MAN2A1: variants seen among roughly 807,000 people sequenced by gnomAD.
The protein encoded by MAN2A1 is alpha-mannosidase 2.
Under a neutral mutation model 142.6 loss-of-function variants are expected in MAN2A1, and 76 were observed. The observed-to-expected ratio is 0.53, with a 90% CI of 0.44 to 0.65. MAN2A1 has a LOEUF of 0.65. Among genes scored for constraint, MAN2A1 ranks in the 30% least tolerant of loss-of-function variants. The probability of loss-of-function intolerance (pLI) is 0.00; values close to 1 mark genes in which losing one functional copy is unlikely to be tolerated. For synonymous variants in MAN2A1, 559 were observed against 473.2 expected (o/e 1.18, Z -2.35); for missense variants, 1,311 against 1,365.1 (o/e 0.96, Z 0.62).
At chr5:109,842,827 A>G (rs1359946844) in intron 17 of MAN2A1, among the ~76,000 whole-genome samples, 1 of 72,768 alleles carries the variant, frequency 1.4e-5, no homozygotes, top group African/African-American at 5.5e-5. Context: ...TTTTTTTGAG[A>G]AAGAGTCTCG....
chr5:109,703,189 C>T (rs959935794), intron 1 of MAN2A1, among the ~76,000 whole-genome samples: 3 of 152,154 alleles, frequency 2.0e-5, no homozygotes, highest in Non-Finnish European at 4.4e-5. Flanking sequence ...TGATTACTGA[C>T]AATTATTTTC....
At chr5:109,766,031 G>A (rs1311108341) in intron 5 of MAN2A1, among the ~76,000 whole-genome samples, 4 of 151,964 alleles carry the variant, frequency 2.6e-5, no homozygotes, top group African/African-American at 9.7e-5. Flanking sequence ...TGGTACTGAG[G>A]TTTTATTGCA....
At chr5:109,736,160 G>C (rs1158300634) in intron 4 of MAN2A1, among the ~76,000 whole-genome samples, 9 of 151,908 alleles carry the variant, frequency 5.9e-5, no homozygotes, top group Admixed American at 5.9e-4. Flanking sequence ...AATATACCAG[G>C]ATATGCACAC....
At chr5:109,696,153 T>A (rs543915056) in intron 1 of MAN2A1, among the ~76,000 whole-genome samples, 4 of 151,802 alleles carry the variant, frequency 2.6e-5, no homozygotes, top group African/African-American at 2.4e-5. Flanking sequence ...CAGACTGGAG[T>A]GCAGTGGTGC....
At chr5:109,841,072 T>C (rs1755190583) in intron 16 of MAN2A1, among the ~76,000 whole-genome samples, 1 of 152,216 alleles carries the variant, frequency 6.6e-6, no homozygotes, top group African/African-American at 2.4e-5. Context: ...TAGAATGATG[T>C]CACTCTTTCT....
intron 5 of MAN2A1, among the ~76,000 whole-genome samples, chr5:109,762,313 A>AG (rs946227819): frequency 6.6e-6 from 1 of 152,136 alleles, no homozygotes; most frequent in African/African-American, 2.4e-5. Flanking sequence ...TTAAGCTAAA[A>AG]GGTATTTTGT....
At chr5:109,693,295 C>T (rs1438226823) in intron 1 of MAN2A1, among the ~76,000 whole-genome samples, 3 of 151,556 alleles carry the variant, frequency 2.0e-5, no homozygotes, top group East Asian at 3.9e-4. Flanking sequence ...TTCACTGCTT[C>T]TAACTTATTC....
At position 109,690,234 on chromosome 5, in the gene MAN2A1, C is replaced by T; in HGVS notation, c.-184C>T. The T allele has an allele frequency of 1.6e-6, 1 of 632,854 alleles. No individual in the cohort carries two copies. The highest frequency in any genetic ancestry group is 2.8e-6 in the Non-Finnish European group (1 of 358,082). The allele number at this position is 632,854 out of a possible 1,614,324, so 39.2% of individuals were successfully genotyped here. On this transcript the variant is annotated 5_prime_UTR_variant, in exon 1 of 22. Coordinates refer to ENST00000261483, the MANE Select transcript of MAN2A1 (RefSeq NM_002372.4). ...GAGGGCGGCAGGCCAGGGCGAAGGCCAAGGGCGTGTGGTGGCGCCGGAGAC... is the reference window on the plus strand; with the variant it reads ...GAGGGCGGCAGGCCAGGGCGAAGGCTAAGGGCGTGTGGTGGCGCCGGAGAC...
chr5:109,690,466 G>A lies in MAN2A1; in HGVS notation c.49G>A (p.Val17Met). The stretch of plus-strand genomic sequence containing the variant: ...CGTGTTCGGCAGTGCGATCTTCTGT[G>A]TGGTGATTTTCTCGCTCTACCTGAT... The part of the protein sequence containing the change: ...FTVFGSAIFC[V>M]VIFSLYLMLD... Residue 17 changes from valine to methionine, a missense_variant, in exon 1 of 22, where the codon GTG (valine) becomes ATG (methionine). By Grantham distance (21) the Val-to-Met change is conservative. Coordinates refer to ENST00000261483, the MANE Select transcript of MAN2A1 (RefSeq NM_002372.4). The A allele has an allele frequency of 3.1e-6, 5 of 1,614,090 alleles. No individual in the cohort carries two copies. Among genetic ancestry groups the A allele is most frequent in the Non-Finnish European group, 4.2e-6 (5 of 1,179,948 alleles).
intron 8 of MAN2A1, among the ~76,000 whole-genome samples, chr5:109,776,069 CTT>C (rs35427592): frequency 0.023 from 3,075 of 134,936 alleles, 102 homozygotes; most frequent in African/African-American, 0.079. Flanking sequence ...CTTTTAAAGT[CTT>C]TTTTTTTTTT....
intron 20 of MAN2A1, chr5:109,863,885 C>T (rs1333566629): frequency 6.6e-6 from 1 of 152,180 alleles, no homozygotes; most frequent in Non-Finnish European, 1.5e-5. Flanking sequence ...TGACTCTTCT[C>T]TTCCTTCAAA....
intron 1 of MAN2A1, among the ~76,000 whole-genome samples, chr5:109,701,727 G>A (rs1750989815): frequency 1.3e-5 from 2 of 152,184 alleles, no homozygotes; most frequent in South Asian, 2.1e-4. Flanking sequence ...GATGAAAAAT[G>A]TGGAGACATT....
At chr5:109,804,226 C>CA (rs1754105151) in intron 12 of MAN2A1, 23 of 987,114 alleles carry the variant, frequency 2.3e-5, no homozygotes, top group Non-Finnish European at 2.2e-5. Context: ...CTGAAAAAGT[C>CA]AGGGAGGGCT....
At chr5:109,737,196 G>A (rs756555980) in intron 4 of MAN2A1, among the ~76,000 whole-genome samples, 53 of 147,850 alleles carry the variant, frequency 3.6e-4, no homozygotes, top group Non-Finnish European at 5.9e-4. Context: ...CAGTTCAAGC[G>A]GTTCTCCTCC....
chr5:109,807,579 A>G (rs191362707), intron 12 of MAN2A1, among the ~76,000 whole-genome samples: 1 of 152,222 alleles, frequency 6.6e-6, no homozygotes, highest in East Asian at 1.9e-4. Flanking sequence ...TGTATATCCC[A>G]TCCACTTGGT....
chr5:109,700,323 C>T (rs1750941517), intron 1 of MAN2A1, among the ~76,000 whole-genome samples: 2 of 145,746 alleles, frequency 1.4e-5, no homozygotes, highest in South Asian at 2.2e-4. Context: ...ACTGTTTCCT[C>T]AAACTGCCAT....
At chr5:109,762,194 T>C (rs2085582281) in intron 5 of MAN2A1, among the ~76,000 whole-genome samples, 2 of 152,226 alleles carry the variant, frequency 1.3e-5, no homozygotes, top group African/African-American at 4.8e-5. Context: ...TGTTTAAAGC[T>C]ATCTTCTCTA....
chr5:109,707,129 G>A (rs1751156086), intron 1 of MAN2A1, among the ~76,000 whole-genome samples: 1 of 152,124 alleles, frequency 6.6e-6, no homozygotes, highest in African/African-American at 2.4e-5. Flanking sequence ...CTATTCACCA[G>A]GTCATGGTTG....
At chr5:109,814,985 A>G (rs895025011) in intron 12 of MAN2A1, among the ~76,000 whole-genome samples, 4 of 152,134 alleles carry the variant, frequency 2.6e-5, no homozygotes, top group African/African-American at 7.2e-5. Context: ...CAAAGTTTTC[A>G]GGCACCATTT....
Sources: gnomAD v4.1 joint callset for allele counts (sites outside exome capture counted in the v4.1 genomes callset) on GRCh38, gnomAD v4.1.1 for gene constraint, MANE v1.5 for transcripts, NCBI Gene and HGNC (gene_info 2026-07-23, HGNC 2026-07-21) for gene names.